NCAM1: variants seen among roughly 807,000 people sequenced by gnomAD.
NCAM1 encodes antigen recognized by monoclonal antibody 5.1H11.
A neutral mutation model predicts 109.8 loss-of-function variants in NCAM1; 14 were observed. That is an observed-to-expected ratio of 0.13 (90% CI 0.08 to 0.20). NCAM1 has a LOEUF of 0.20. NCAM1 is among the 10% of genes least tolerant of loss of function. The probability of loss-of-function intolerance (pLI) is 1.00; values close to 1 mark genes in which losing one functional copy is unlikely to be tolerated. For missense variants in NCAM1, 774 were observed against 1,109.9 expected, an observed-to-expected ratio of 0.70 and a Z score of 4.30; for synonymous variants, 418 against 442.9, an observed-to-expected ratio of 0.94 and a Z score of 0.70.
intron 1 of NCAM1, among the ~76,000 whole-genome samples, chr11:113,027,377 T>C (rs1172042196): frequency 2.6e-5 from 4 of 152,208 alleles, no homozygotes; most frequent in Non-Finnish European, 5.9e-5. Context: ...TTTAATGACA[T>C]AGATAACACA....
At chr11:113,084,889 T>A (rs782249976) in intron 1 of NCAM1, among the ~76,000 whole-genome samples, 1 of 152,240 alleles carries the variant, frequency 6.6e-6, no homozygotes, top group Non-Finnish European at 1.5e-5. Context: ...TCCACACAAA[T>A]CAGTTGGAAC....
At chr11:113,011,639 G>A (rs1373659068) in intron 1 of NCAM1, among the ~76,000 whole-genome samples, 1 of 152,166 alleles carries the variant, frequency 6.6e-6, no homozygotes, top group Non-Finnish European at 1.5e-5. Context: ...GGATTTTTAA[G>A]CAGGTGAGGA....
chr11:113,166,814 T>C (rs1167495209), intron 1 of NCAM1, among the ~76,000 whole-genome samples: 2 of 152,162 alleles, frequency 1.3e-5, no homozygotes, highest in African/African-American at 4.8e-5. Context: ...TATGTCAACT[T>C]CATAGTGCAT....
At chr11:113,091,947 C>T (rs1939362759) in intron 1 of NCAM1, among the ~76,000 whole-genome samples, 1 of 152,054 alleles carries the variant, frequency 6.6e-6, no homozygotes, top group Non-Finnish European at 1.5e-5. Flanking sequence ...GTGTCCTCCA[C>T]CAATTCTTTC....
intron 1 of NCAM1, among the ~76,000 whole-genome samples, chr11:113,005,955 T>C (rs1438054509): frequency 6.6e-6 from 1 of 152,114 alleles, no homozygotes; most frequent in African/African-American, 2.4e-5. Context: ...CAACCAATTT[T>C]CTCTAAACAT....
At chr11:113,080,890 T>C (rs1555087042) in intron 1 of NCAM1, among the ~76,000 whole-genome samples, 1 of 152,160 alleles carries the variant, frequency 6.6e-6, no homozygotes, top group Non-Finnish European at 1.5e-5. Flanking sequence ...TCTCACTTTG[T>C]TTTGCATATT....
At chr11:113,240,956 G>T in intron 14 of NCAM1, 1 of 983,254 alleles carries the variant, frequency 1.0e-6, no homozygotes, top group Non-Finnish European at 1.6e-6. Flanking sequence ...AAGCAGCGTC[G>T]GGTTTTAGAG....
chr11:113,053,997 GTT>G (rs782155857), intron 1 of NCAM1, among the ~76,000 whole-genome samples: 14 of 152,284 alleles, frequency 9.2e-5, no homozygotes, highest in South Asian at 2.1e-4. Flanking sequence ...CAGAATCACT[GTT>G]TGTCTCCAAC....
chr11:113,263,494 G>T, intron 17 of NCAM1: 1 of 985,828 alleles, frequency 1.0e-6, no homozygotes, highest in Non-Finnish European at 1.2e-6. Flanking sequence ...AGTCACCCCT[G>T]TTGCCCATGC....
chr11:113,230,686 A>G lies in NCAM1; in HGVS notation c.1090-959A>G, dbSNP rs116780524. Reference sequence around the variant, plus strand: ...AGAATATAACCTCCTGTCCATCCCTACAGAACATCATATACTGGAGACAAG... The same window carrying G: ...AGAATATAACCTCCTGTCCATCCCTGCAGAACATCATATACTGGAGACAAG... On this transcript the variant is annotated intron_variant, in intron 9 of 19. Coordinates refer to ENST00000316851, the MANE Select transcript of NCAM1 (RefSeq NM_181351.5). 3.1e-3 allele frequency among the ~76,000 whole-genome samples: 469 copies of G among 152,310 alleles called. 5 individuals carry two copies. The highest frequency in any genetic ancestry group is 0.01 in the African/African-American group (432 of 41,566).
At chr11:113,004,823 A>AT (rs35826341) in intron 1 of NCAM1, among the ~76,000 whole-genome samples, 20,769 of 147,662 alleles carry the variant, frequency 0.14, 1,482 homozygotes, top group African/African-American at 0.15. Flanking sequence ...TGATTCTTTG[A>AT]TTTTTTTTTT....
intron 9 of NCAM1, chr11:113,221,635 T>C (rs1425830235): frequency 1.0e-5 from 3 of 295,222 alleles, no homozygotes; most frequent in African/African-American, 2.2e-5. Context: ...GCCAGGCATT[T>C]TGAAATGGTG....
In NCAM1 at chr11:113,004,137, TTTTG is replaced by T. The variant is rs557726211; in HGVS notation, c.52+42477_52+42480del. ...AACTATTTTTCTCTTTCTAAAATGT[TTTTG>T]TTTATGTTCTTATTTTTCTTCTGCT... On this transcript the variant is annotated intron_variant, in intron 1 of 19. Transcript: ENST00000316851. Among the ~76,000 whole-genome samples, 244 of 152,340 alleles carry T rather than the reference TTTTG, an allele frequency of 1.6e-3. 1 individual carries two copies. Among genetic ancestry groups the T allele is most frequent in the African/African-American group, 4.3e-3 (179 of 41,578 alleles).
At chr11:113,272,457 T>C (rs1161339198) in intron 19 of NCAM1, among the ~76,000 whole-genome samples, 14 of 152,168 alleles carry the variant, frequency 9.2e-5, no homozygotes, top group African/African-American at 3.4e-4. Context: ...TTCTGAGTAC[T>C]CGTGATCTGC....
intron 16 of NCAM1, among the ~76,000 whole-genome samples, chr11:113,259,700 CTTTTTTTTTT>C (rs61638375): frequency 8.8e-6 from 1 of 113,472 alleles, no homozygotes; most frequent in Non-Finnish European, 1.8e-5. Context: ...CCCATCATTG[CTTTTTTTTTT>C]TTTTTTTTTT....
At chr11:113,063,053 G>A (rs12271763) in intron 1 of NCAM1, among the ~76,000 whole-genome samples, 3,212 of 152,314 alleles carry the variant, frequency 0.021, 108 homozygotes, top group African/African-American at 0.073. Flanking sequence ...AGGCCCCAAT[G>A]TCATAAAGAA....
intron 2 of NCAM1, 54 bp downstream of exon 2, chr11:113,202,507 G>A: frequency 6.6e-7 from 1 of 1,510,828 alleles, no homozygotes; most frequent in Non-Finnish European, 9.0e-7. Context: ...AACTCACTGG[G>A]TAGAGCAGGA....
chr11:113,060,348 C>T (rs1418147763), intron 1 of NCAM1, among the ~76,000 whole-genome samples: 1 of 152,148 alleles, frequency 6.6e-6, no homozygotes, highest in Non-Finnish European at 1.5e-5. Flanking sequence ...TATTTACATT[C>T]ATTAGGATAC....
intron 1 of NCAM1, among the ~76,000 whole-genome samples, chr11:113,043,617 T>C (rs1006660309): frequency 2.5e-4 from 38 of 152,232 alleles, no homozygotes; most frequent in African/African-American, 8.9e-4. Flanking sequence ...ATTACAGGCA[T>C]GAGCCACAGT....
Sources: allele counts gnomAD v4.1 joint callset (sites outside exome capture counted in the v4.1 genomes callset), GRCh38; gene constraint gnomAD v4.1.1; transcripts MANE v1.5; gene names NCBI Gene and HGNC (gene_info 2026-07-23, HGNC 2026-07-21).